The following SORCS1 variants were observed in gnomAD, a reference collection of about 807,000 sequenced individuals.
The protein encoded by SORCS1 is sortilin related VPS10 domain containing receptor 1.
SORCS1 carries 60 observed loss-of-function variants against 146.1 expected under a neutral mutation model. The observed-to-expected ratio is 0.41, with a 90% CI of 0.33 to 0.51. The LOEUF (loss-of-function observed/expected upper bound fraction) is 0.51. Ranked by LOEUF, SORCS1 falls within the 20% of genes least tolerant of loss-of-function variation. The pLI is 0.21. For synonymous variants in SORCS1, 637 were observed against 584.0 expected, an observed-to-expected ratio of 1.09 and a Z score of -1.31; for missense variants, 1,352 against 1,487.6, an observed-to-expected ratio of 0.91 and a Z score of 1.50.
At chr10:106,987,699 A>AT (rs1956544296) in intron 1 of SORCS1, among the ~76,000 whole-genome samples, 1 of 152,036 alleles carries the variant, frequency 6.6e-6, no homozygotes, top group Non-Finnish European at 1.5e-5. Flanking sequence ...GCCCTCAAAG[A>AT]TTTTTTTCTT....
chr10:107,047,404 T>A (rs1959611553), intron 1 of SORCS1, among the ~76,000 whole-genome samples: 1 of 152,170 alleles, frequency 6.6e-6, no homozygotes. Context: ...CCTTTCCACT[T>A]TAAGATTGTC....
chr10:106,617,443 A>G (rs1847447871), intron 21 of SORCS1, among the ~76,000 whole-genome samples: 1 of 152,238 alleles, frequency 6.6e-6, no homozygotes. Flanking sequence ...CTTAGTGCAT[A>G]TCCATATGAC....
intron 2 of SORCS1, among the ~76,000 whole-genome samples, chr10:106,928,116 C>T (rs977350755): frequency 1.3e-5 from 2 of 152,264 alleles, no homozygotes; most frequent in African/African-American, 2.4e-5. Flanking sequence ...CACTCCTCAG[C>T]CCTTGGGTGG....
rs1005042951 is a variant in SORCS1, at chr10:106,647,626, A to G, written c.2475+4756T>C. Among the ~76,000 whole-genome samples the G allele has an allele frequency of 5.3e-5, 8 of 152,218 alleles. No homozygotes were observed. In the South Asian group the frequency reaches 1.2e-3, roughly 24 times the overall value. ...TCAGCGTGAAATGAACAGTTTTTCA[A>G]TGGTATTGGGACAATTGGATATGCA... On this transcript the variant is annotated intron_variant, in intron 18 of 25. Coordinates refer to ENST00000263054, the MANE Select transcript of SORCS1 (RefSeq NM_052918.5).
intron 4 of SORCS1, among the ~76,000 whole-genome samples, chr10:106,767,627 C>A (rs926512156): frequency 1.9e-4 from 29 of 152,034 alleles, no homozygotes; most frequent in Admixed American, 3.3e-4. Flanking sequence ...TAGCTAGGAT[C>A]ACAGGCATGC....
chr10:106,690,722 G>A (rs910098846), intron 9 of SORCS1, among the ~76,000 whole-genome samples: 8 of 152,198 alleles, frequency 5.3e-5, no homozygotes, highest in African/African-American at 1.9e-4. Flanking sequence ...TTGCAGCCAA[G>A]GCACTTTGTC....
chr10:107,156,842 C>T (rs1321133183), intron 1 of SORCS1, among the ~76,000 whole-genome samples: 4 of 152,144 alleles, frequency 2.6e-5, no homozygotes, highest in Non-Finnish European at 2.9e-5. Flanking sequence ...TACCCCAAGC[C>T]GCTATTGCAA....
chr10:107,051,196 C>T lies in SORCS1; in HGVS notation c.559-94616G>A, dbSNP rs77544327. On this transcript the variant is annotated intron_variant, in intron 1 of 25. Coordinates refer to ENST00000263054, the MANE Select transcript of SORCS1 (RefSeq NM_052918.5). ...AGTAAATAGAAACAATAAATGAGAA[C>T]ATTTCAAATTTCAGACAGCCACGTG... 9.2e-3 allele frequency among the ~76,000 whole-genome samples: 1,408 copies of T among 152,226 alleles called. 23 individuals are homozygous for T. Among genetic ancestry groups the T allele is most frequent in the African/African-American group, 0.032 (1,327 of 41,530 alleles).
At chr10:106,760,623 C>T (rs969035694) in intron 5 of SORCS1, among the ~76,000 whole-genome samples, 5 of 151,580 alleles carry the variant, frequency 3.3e-5, no homozygotes, top group African/African-American at 9.7e-5. Context: ...AATAAATATC[C>T]GTTGTTTAAG....
At chr10:107,003,259 A>AG (rs1285974704) in intron 1 of SORCS1, among the ~76,000 whole-genome samples, 1 of 152,094 alleles carries the variant, frequency 6.6e-6, no homozygotes, top group African/African-American at 2.4e-5. Context: ...CATCTCAAAA[A>AG]GGAAAAAAAA....
At chr10:107,100,479 A>C (rs1964843911) in intron 1 of SORCS1, among the ~76,000 whole-genome samples, 1 of 151,488 alleles carries the variant, frequency 6.6e-6, no homozygotes, top group African/African-American at 2.4e-5. Context: ...TCACCACTGC[A>C]CTCCAGCCTG....
chr10:106,671,002 C>T (rs1023975150), intron 16 of SORCS1, among the ~76,000 whole-genome samples: 3 of 152,044 alleles, frequency 2.0e-5, no homozygotes, highest in South Asian at 2.1e-4. Context: ...CCAAATCTGC[C>T]GGTAATGAAG....
intron 2 of SORCS1, among the ~76,000 whole-genome samples, 190 bp from the exon 3 acceptor site, chr10:106,829,863 T>C (rs1360883805): frequency 6.6e-6 from 1 of 152,214 alleles, no homozygotes; most frequent in Non-Finnish European, 1.5e-5. Flanking sequence ...TTAGATTGAA[T>C]TGGTAAAAAT....
intron 3 of SORCS1, among the ~76,000 whole-genome samples, chr10:106,802,034 G>C (rs773840974): frequency 6.6e-6 from 1 of 152,150 alleles, no homozygotes; most frequent in Non-Finnish European, 1.5e-5. Flanking sequence ...CAAAGTTCAC[G>C]CCATTTGGTC....
upstream of SORCS1, among the ~76,000 whole-genome samples, chr10:107,164,955 T>C (rs1969999841): frequency 6.7e-6 from 1 of 149,954 alleles, no homozygotes; most frequent in African/African-American, 2.4e-5. The surrounding 1 kb of genome is among the most constrained non-coding windows in gnomAD (Gnocchi z 6.8). Flanking sequence ...CCGCCCACTC[T>C]GCGCCCCCGC....
At chr10:106,767,444 A>T (rs1589834333) in intron 4 of SORCS1, among the ~76,000 whole-genome samples, 1 of 152,088 alleles carries the variant, frequency 6.6e-6, no homozygotes, top group African/African-American at 2.4e-5. Context: ...GGTATATAGG[A>T]AAATGATAAG....
chr10:106,585,943 C>T (rs750073609), intron 24 of SORCS1, among the ~76,000 whole-genome samples: 1 of 152,238 alleles, frequency 6.6e-6, no homozygotes, highest in Non-Finnish European at 1.5e-5. Flanking sequence ...ATCAGCAGAG[C>T]TCCCCAACCA....
intron 2 of SORCS1, among the ~76,000 whole-genome samples, chr10:106,895,352 T>C (rs1247564474): frequency 6.6e-6 from 1 of 152,224 alleles, no homozygotes; most frequent in Non-Finnish European, 1.5e-5. Flanking sequence ...GACTCATGCC[T>C]GTAATCCCAG....
intron 8 of SORCS1, among the ~76,000 whole-genome samples, chr10:106,704,700 C>CAAAACA (rs1313623175): frequency 6.6e-6 from 1 of 152,058 alleles, no homozygotes; most frequent in African/African-American, 2.4e-5. Context: ...AAAAACAAAA[C>CAAAACA]AAAACAAAAA....
Sources: gnomAD v4.1 joint callset for allele counts (sites outside exome capture counted in the v4.1 genomes callset) on GRCh38, gnomAD v4.1.1 for gene constraint, Gnocchi (gnomAD v3.1) non-coding constraint, MANE v1.5 for transcripts, NCBI Gene and HGNC (gene_info 2026-07-23, HGNC 2026-07-21) for gene names.